PTPRQ: variants seen among roughly 807,000 people sequenced by gnomAD.
The protein encoded by PTPRQ is protein tyrosine phosphatase receptor type Q, also known as phosphatidylinositol phosphatase PTPRQ.
In PTPRQ, 199 loss-of-function variants were observed where a neutral mutation model predicts 246.0. The observed-to-expected ratio is 0.81, with a 90% CI of 0.72 to 0.91. PTPRQ has a LOEUF of 0.91. PTPRQ is among the 40% of genes least tolerant of loss of function. PTPRQ has a pLI of 0.00. For synonymous variants in PTPRQ, 869 were observed against 853.2 expected, an observed-to-expected ratio of 1.02 and a Z score of -0.32; for missense variants, 2,624 against 2,528.4, an observed-to-expected ratio of 1.04 and a Z score of -0.81.
intron 33 of PTPRQ, among the ~76,000 whole-genome samples, chr12:80,628,099 T>C (rs948911279): frequency 2.0e-5 from 3 of 152,128 alleles, no homozygotes; most frequent in African/African-American, 7.2e-5. Flanking sequence ...TATTACCTAA[T>C]AAAGAGGATT....
chr12:80,555,884 G>A (rs1896630974), intron 25 of PTPRQ, among the ~76,000 whole-genome samples: 1 of 152,054 alleles, frequency 6.6e-6, no homozygotes, highest in Non-Finnish European at 1.5e-5. Flanking sequence ...TCTAGGTGTG[G>A]GGTTCAAGAC....
chr12:80,570,784 G>C (rs1897124191), intron 25 of PTPRQ, among the ~76,000 whole-genome samples: 1 of 152,132 alleles, frequency 6.6e-6, no homozygotes, highest in Non-Finnish European at 1.5e-5. Context: ...AAGGGGTCCA[G>C]TTTCAGTTTT....
At chr12:80,504,052 T>C (rs1894881100) in intron 14 of PTPRQ, among the ~76,000 whole-genome samples, 1 of 151,716 alleles carries the variant, frequency 6.6e-6, no homozygotes, top group African/African-American at 2.4e-5. Flanking sequence ...TTTACTGAAA[T>C]TATTTGATCT....
Position 80,484,435 on chromosome 12 carries a change from C to G in PTPRQ, c.1189C>G (p.Pro397Ala). ...NISVFTPPDVPGAVFDLQLAE... is the reference protein window; with the variant it reads ...NISVFTPPDVAGAVFDLQLAE... ...TTCTTTCTTTCTTTCTTTCTTAGTT[C>G]CAGGGGCAGTGTTTGATTTACAACT... The change falls in exon 9 of 45, where the codon CCA (proline) becomes GCA (alanine). Residue 397 changes from proline (P) to alanine (A), a missense_variant and splice_region_variant. Transcript: ENST00000644991. The G allele has an allele frequency of 6.5e-7, 1 of 1,536,112 alleles. No individual in the cohort carries two copies. Among genetic ancestry groups the G allele is most frequent in the Non-Finnish European group, 8.8e-7 (1 of 1,142,536 alleles).
At chr12:80,462,496 A>G (rs1293251056) in intron 6 of PTPRQ, 5 of 153,672 alleles carry the variant, frequency 3.3e-5, no homozygotes, top group Non-Finnish European at 7.3e-5. Flanking sequence ...CCTGTCTGAC[A>G]GCTTTGAAGA....
intron 43 of PTPRQ, among the ~76,000 whole-genome samples, chr12:80,677,941 T>G (rs1008742797): frequency 1.3e-5 from 2 of 152,170 alleles, no homozygotes; most frequent in Non-Finnish European, 2.9e-5. Context: ...AACTCAGAGA[T>G]GCTAGTAGGT....
chr12:80,653,970 CTCAG>C (rs767617530), intron 38 of PTPRQ, among the ~76,000 whole-genome samples: 12 of 136,890 alleles, frequency 8.8e-5, no homozygotes, highest in Admixed American at 3.5e-4. Flanking sequence ...GATAACAAGA[CTCAG>C]TCAGAGGAAA....
intron 44 of PTPRQ, 67 bp downstream of exon 44, chr12:80,678,792 A>G: frequency 6.8e-7 from 1 of 1,469,542 alleles, no homozygotes; most frequent in Non-Finnish European, 9.0e-7. Flanking sequence ...CATAAATTTC[A>G]GAATAACCAT....
At chr12:80,500,142 A>G (rs964212785) in intron 14 of PTPRQ, among the ~76,000 whole-genome samples, 2 of 151,974 alleles carry the variant, frequency 1.3e-5, no homozygotes. Flanking sequence ...GCCAAACAAT[A>G]GTCTTTTGGC....
At chr12:80,519,928 T>C (rs750515017) in intron 17 of PTPRQ, among the ~76,000 whole-genome samples, 1 of 152,110 alleles carries the variant, frequency 6.6e-6, no homozygotes, top group Non-Finnish European at 1.5e-5. Context: ...TGAGCTACAA[T>C]TGTTTTAATA....
intron 4 of PTPRQ, among the ~76,000 whole-genome samples, chr12:80,458,586 A>T (rs1435028473): frequency 6.6e-6 from 1 of 151,838 alleles, no homozygotes; most frequent in Non-Finnish European, 1.5e-5. Context: ...TTCTTTCAAA[A>T]ATGACTTGTC....
chr12:80,570,489 TG>T (rs1897114319), intron 25 of PTPRQ, among the ~76,000 whole-genome samples: 1 of 152,210 alleles, frequency 6.6e-6, no homozygotes, highest in Non-Finnish European at 1.5e-5. Flanking sequence ...GCTAGCTTTT[TG>T]TCAGGTGGAT....
chr12:80,472,283 T>C (rs1043788193), intron 8 of PTPRQ, 32 bp downstream of exon 8: 94 of 1,549,062 alleles, frequency 6.1e-5, no homozygotes, highest in Non-Finnish European at 8.1e-5. Flanking sequence ...GAGATATTTT[T>C]GGTATGCTTA....
intron 39 of PTPRQ, among the ~76,000 whole-genome samples, chr12:80,659,334 C>G (rs1306138507): frequency 6.6e-6 from 1 of 151,938 alleles, no homozygotes; most frequent in East Asian, 1.9e-4. Flanking sequence ...AACTCTACAG[C>G]ATGTTAAAGT....
intron 7 of PTPRQ, among the ~76,000 whole-genome samples, chr12:80,469,262 A>G (rs894297559): frequency 6.6e-6 from 1 of 152,152 alleles, no homozygotes; most frequent in African/African-American, 2.4e-5. Context: ...AACATGGAAA[A>G]TCTCTGTATC....
chr12:80,537,213 T>C (rs1206194753), intron 19 of PTPRQ, among the ~76,000 whole-genome samples: 1 of 152,236 alleles, frequency 6.6e-6, no homozygotes, highest in Non-Finnish European at 1.5e-5. Flanking sequence ...ATTCCTAAAG[T>C]TAATGTTAAA....
intron 23 of PTPRQ, among the ~76,000 whole-genome samples, chr12:80,543,230 A>G (rs921252977): frequency 3.9e-5 from 6 of 152,124 alleles, no homozygotes; most frequent in African/African-American, 1.2e-4. Context: ...GCACCAAGGG[A>G]ATCTTTTTAA....
chr12:80,587,484 C>T (rs151192778), intron 25 of PTPRQ, among the ~76,000 whole-genome samples: 15 of 152,178 alleles, frequency 9.9e-5, no homozygotes, highest in Non-Finnish European at 2.2e-4. Context: ...TTTATTGTAT[C>T]CTGAATCCCT....
intron 25 of PTPRQ, among the ~76,000 whole-genome samples, chr12:80,571,865 T>C (rs1253607878): frequency 6.6e-6 from 1 of 152,138 alleles, no homozygotes. Context: ...ATATATTTTA[T>C]TCCATTGATT....
Sources: allele counts gnomAD v4.1 joint callset (sites outside exome capture counted in the v4.1 genomes callset), GRCh38; gene constraint gnomAD v4.1.1; transcripts MANE v1.5; gene names NCBI Gene and HGNC (gene_info 2026-07-23, HGNC 2026-07-21).